The following OTUD7B variants were observed in gnomAD, a reference collection of about 807,000 sequenced individuals.
The protein encoded by OTUD7B is OTU domain-containing protein 7B.
OTUD7B carries 34 observed loss-of-function variants against 82.2 expected under a neutral mutation model. That is an observed-to-expected ratio of 0.41 (90% confidence interval 0.31 to 0.55). The LOEUF is 0.55. Among genes scored for constraint, OTUD7B ranks in the 20% least tolerant of loss-of-function variants. The pLI is 0.20. For missense variants in OTUD7B, 944 were observed against 1,062.1 expected, an observed-to-expected ratio of 0.89 and a Z score of 1.55; for synonymous variants, 398 against 402.7, an observed-to-expected ratio of 0.99 and a Z score of 0.14.
the OTUD7B span, among the ~76,000 whole-genome samples, chr1:150,036,242 C>A: frequency 6.7e-6 from 1 of 149,370 alleles, no homozygotes; most frequent in Admixed American, 6.7e-5. Flanking sequence ...GCAAGAGCCA[C>A]CGTGCCCAGT....
the OTUD7B span, among the ~76,000 whole-genome samples, chr1:150,035,434 G>T: frequency 2.6e-5 from 4 of 152,128 alleles, no homozygotes; most frequent in African/African-American, 7.2e-5. Context: ...TGGGTGGCAT[G>T]GATGCCCTCA....
At chr1:149,987,380 G>A (rs1651225540) in intron 1 of OTUD7B, among the ~76,000 whole-genome samples, 1 of 152,212 alleles carries the variant, frequency 6.6e-6, no homozygotes, top group African/African-American at 2.4e-5. Context: ...GATTCAGACA[G>A]ATCTTGGTTC....
the OTUD7B span, among the ~76,000 whole-genome samples, chr1:150,064,042 A>G: frequency 1.3e-5 from 2 of 152,194 alleles, no homozygotes; most frequent in Non-Finnish European, 2.9e-5. Flanking sequence ...ATTTTCTGAA[A>G]TTGATTCTAT....
the OTUD7B span, among the ~76,000 whole-genome samples, chr1:150,034,196 T>C: frequency 6.6e-6 from 1 of 152,210 alleles, no homozygotes; most frequent in African/African-American, 2.4e-5. Flanking sequence ...ATCTGTTTCA[T>C]TTAGTACTTT....
upstream of OTUD7B, among the ~76,000 whole-genome samples, chr1:150,012,690 C>T (rs1553787743): frequency 6.6e-6 from 1 of 152,188 alleles, no homozygotes. Context: ...AGTTGCTGGT[C>T]AAAGTCATTT....
chr1:149,967,162 C>A, intron 4 of OTUD7B, 132 bp downstream of exon 4: 1 of 580,548 alleles, frequency 1.7e-6, no homozygotes, highest in Non-Finnish European at 3.1e-6. Context: ...CAAGTTTATC[C>A]CACTGACTCC....
chr1:150,038,631 C>T, the OTUD7B span, among the ~76,000 whole-genome samples: 51 of 152,112 alleles, frequency 3.4e-4, 1 homozygote, highest in Non-Finnish European at 6.0e-4. Context: ...AAATGATTCA[C>T]CCACCTCAGC....
In OTUD7B at chr1:149,943,930, G is replaced by A; in HGVS notation, c.2459C>T (p.Ser820Phe). The A allele has an allele frequency of 1.2e-6, 2 of 1,614,212 alleles. No individual in the cohort carries two copies. Among genetic ancestry groups the A allele is most frequent in the Non-Finnish European group, 1.7e-6 (2 of 1,180,024 alleles). Residue 820 changes from serine (S) to phenylalanine (F), a missense_variant, in exon 12 of 12, where the codon TCC becomes TTC. By Grantham distance (155) the Ser-to-Phe change is radical (BLOSUM62 -2). Transcript: ENST00000581312. ...YGHPETNNFC[S>F]CCYREELRRR... Reference sequence around the variant, plus strand: ...CCTCAGTTCTTCCCTGTAACAACAGGAACAGAAGTTGTTTGTCTCAGGGTG... The same window carrying A: ...CCTCAGTTCTTCCCTGTAACAACAGAAACAGAAGTTGTTTGTCTCAGGGTG...
intron 3 of OTUD7B, 80 bp from the exon 4 acceptor site, chr1:149,967,601 CT>C: frequency 9.2e-7 from 1 of 1,081,520 alleles, no homozygotes; most frequent in Non-Finnish European, 1.3e-6. Context: ...ATAGTTACCT[CT>C]CAACAGGGTT....
chr1:149,988,470 G>A (rs1651345441), intron 1 of OTUD7B, among the ~76,000 whole-genome samples: 1 of 152,100 alleles, frequency 6.6e-6, no homozygotes, highest in African/African-American at 2.4e-5. Context: ...TAAAGATCAG[G>A]GACTAGTGAA....
At chr1:149,977,814 C>T (rs1429438433) in intron 1 of OTUD7B, among the ~76,000 whole-genome samples, 2 of 152,174 alleles carry the variant, frequency 1.3e-5, no homozygotes, top group African/African-American at 4.8e-5. Context: ...AAATGCTTTT[C>T]CTGTACTTTT....
At chr1:150,057,444 CCT>C in the OTUD7B span, among the ~76,000 whole-genome samples, 1,990 of 152,234 alleles carry the variant, frequency 0.013, 36 homozygotes, top group African/African-American at 0.043. Context: ...AATTTATCTT[CCT>C]CTTTATTCTC....
upstream of OTUD7B, among the ~76,000 whole-genome samples, chr1:150,015,635 TTC>T (rs587628842): frequency 5.9e-5 from 9 of 152,276 alleles, no homozygotes; most frequent in African/African-American, 2.2e-4. Flanking sequence ...CATGGATGTT[TTC>T]TCTCTTTTCA....
chr1:150,058,276 C>T, the OTUD7B span, among the ~76,000 whole-genome samples: 5 of 152,060 alleles, frequency 3.3e-5, no homozygotes, highest in South Asian at 2.1e-4. Flanking sequence ...GAGACCAAGG[C>T]GGGGCCAATC....
chr1:149,971,065 T>G lies in OTUD7B; in HGVS notation c.272A>C (p.Gln91Pro), dbSNP rs1649888374. 2 of 1,603,622 alleles carry G rather than the reference T, an allele frequency of 1.2e-6. No individual in the cohort carries two copies. Among genetic ancestry groups the G allele is most frequent in the South Asian group, 1.1e-5 (1 of 90,200 alleles). The stretch of plus-strand genomic sequence containing the variant: ...AAACATTCCAGTCACCCCAGTACCT[T>G]GAACGATGTCATCCTGCCGCTGGAG... Reference protein sequence around the residue: ...PILQRQDDIVQEKRLSRGISH... With the variant: ...PILQRQDDIVPEKRLSRGISH... The change falls in exon 3 of 12, where the codon CAA becomes CCA. Residue 91 changes from glutamine (Q) to proline (P), a missense_variant and splice_region_variant. Transcript: ENST00000581312.
chr1:149,967,922 C>T (rs1369560904), intron 3 of OTUD7B, among the ~76,000 whole-genome samples: 1 of 152,064 alleles, frequency 6.6e-6, no homozygotes, highest in Non-Finnish European at 1.5e-5. Flanking sequence ...CAAATAACCT[C>T]TCTGGTAATT....
chr1:150,062,702 TTCTTTC>T, the OTUD7B span, among the ~76,000 whole-genome samples: 1 of 89,046 alleles, frequency 1.1e-5, no homozygotes, highest in Non-Finnish European at 2.1e-5. Context: ...CTTTTTCTTC[TTCTTTC>T]TTTTTTTTTT....
rs1193697143 is a variant in OTUD7B, at chr1:149,941,877, T to C, written c.*1980A>G. 6.6e-6 allele frequency: 1 copy of C among 152,234 alleles called. No homozygotes were observed. The highest frequency in any genetic ancestry group is 2.1e-4 in the South Asian group (1 of 4,834). 9.4% of individuals were successfully genotyped at this position (152,234 alleles called of 1,614,324 possible). A position where few individuals can be genotyped will look rare whatever the true frequency, so the allele number is the denominator to read the frequency against. On this transcript the variant is annotated 3_prime_UTR_variant, in exon 12 of 12. Transcript: ENST00000581312. ...CTCATCTCATACCAGGTTCCAGACC[T>C]GCCTAGACATATACACATCCCTTCC...
At chr1:149,954,918 T>C (rs1648548354) in intron 7 of OTUD7B, among the ~76,000 whole-genome samples, 5 of 152,230 alleles carry the variant, frequency 3.3e-5, no homozygotes, top group Admixed American at 3.3e-4. Flanking sequence ...TTGTGTCTAT[T>C]TGATTCTTCT....
Sources: allele counts gnomAD v4.1 joint callset (sites outside exome capture counted in the v4.1 genomes callset), GRCh38; gene constraint gnomAD v4.1.1; transcripts MANE v1.5; gene names NCBI Gene and HGNC (gene_info 2026-07-23, HGNC 2026-07-21).